VCP: variants seen among roughly 807,000 people sequenced by gnomAD.
The protein encoded by VCP is transitional endoplasmic reticulum ATPase.
A neutral mutation model predicts 85.7 loss-of-function variants in VCP; 6 were observed. The ratio of observed to expected loss-of-function variants is 0.07; its 90% CI spans 0.04 to 0.14. The LOEUF (loss-of-function observed/expected upper bound fraction) is 0.14. VCP is among the 10% of genes least tolerant of loss of function. The pLI is 1.00. For synonymous variants in VCP, 384 were observed against 367.1 expected (o/e 1.05, Z -0.53); for missense variants, 353 against 1,043.4 (o/e 0.34, Z 9.12).
chr9:35,059,294 C>A lies in VCP; in HGVS notation c.2005-75G>T, dbSNP rs1196307925. On this transcript the variant is annotated intron_variant, in intron 14 of 16. Transcript: ENST00000358901. This position sits in a 1 kb window ranked among gnomAD's most constrained non-coding sequence, Gnocchi z 4.9. ...TACGCAGATCTTTGGGCTACCCGAG[C>A]ACTCCCAACTACAGTTTGCCCCTTC... is the stretch of plus-strand genomic sequence containing the variant. 3.8e-6 allele frequency: 6 copies of A among 1,597,414 alleles called. No individual in the cohort carries two copies. The highest frequency in any genetic ancestry group is 4.3e-6 in the Non-Finnish European group (5 of 1,171,258).
chr9:35,065,236 A>T lies in VCP; in HGVS notation c.576+15T>A, dbSNP rs1563979566. 1.2e-6 allele frequency: 2 copies of T among 1,613,942 alleles called. No individual in the cohort carries two copies. The highest frequency in any genetic ancestry group is 2.7e-5 in the African/African-American group (2 of 74,928). On this transcript the variant is annotated intron_variant, in intron 5 of 16. Coordinates refer to ENST00000358901, the MANE Select transcript of VCP (RefSeq NM_007126.5). ...AATCATAAAATCGGATACTGGAATC[A>T]GGGAGAAAACTCACCTCTCGTTTGA...
At chr9:35,072,283 C>A (rs945795496) in intron 1 of VCP, 54 bp downstream of exon 1, 67 of 1,484,756 alleles carry the variant, frequency 4.5e-5, no homozygotes, top group Non-Finnish European at 5.6e-5. Flanking sequence ...CTACCCTGCG[C>A]GGCTGGTCCC....
chr9:35,068,582 A>G (rs1044169385), intron 1 of VCP, among the ~76,000 whole-genome samples: 1 of 152,204 alleles, frequency 6.6e-6, no homozygotes, highest in African/African-American at 2.4e-5. Context: ...TCAGTGTCCC[A>G]GCTATAAGGC....
intron 1 of VCP, 194 bp downstream of exon 1, chr9:35,072,143 G>A (rs1429316563): frequency 2.2e-6 from 3 of 1,394,288 alleles, no homozygotes; most frequent in Non-Finnish European, 2.8e-6. Flanking sequence ...CCGCCTAGGG[G>A]GCGCGCGGGT....
intron 1 of VCP, 53 bp downstream of exon 1, chr9:35,072,284 G>A: frequency 6.7e-7 from 1 of 1,485,392 alleles, no homozygotes; most frequent in Admixed American, 2.2e-5. Context: ...TACCCTGCGC[G>A]GCTGGTCCCG....
intron 1 of VCP, among the ~76,000 whole-genome samples, chr9:35,071,291 GTGTTTTTTT>G (rs1386707011): frequency 3.2e-5 from 3 of 95,002 alleles, no homozygotes; most frequent in Non-Finnish European, 5.9e-5. Context: ...TGGGCTGGCT[GTGTTTTTTT>G]TTTTTTTTTT....
chr9:35,065,652 T>C (rs1164088233), intron 4 of VCP, among the ~76,000 whole-genome samples: 1 of 152,080 alleles, frequency 6.6e-6, no homozygotes, highest in Non-Finnish European at 1.5e-5. Context: ...GCCATATAGG[T>C]AGCCCAAGTT....
rs1356464120 is a variant in VCP at position 35,059,849 on chromosome 9, C to T, written c.1696-48G>A. 1 of 1,612,748 alleles carries T rather than the reference C, an allele frequency of 6.2e-7. No homozygotes were observed. Among genetic ancestry groups the T allele is most frequent in the African/African-American group, 1.3e-5 (1 of 74,848 alleles). Reference sequence around the variant, plus strand: ...CAAGCACTAACAAAACTAGATGTCTCTAGGCAAACGTGGTGGCTCACACCT... The same window carrying T: ...CAAGCACTAACAAAACTAGATGTCTTTAGGCAAACGTGGTGGCTCACACCT... On this transcript the variant is annotated intron_variant, in intron 13 of 16. Coordinates refer to ENST00000358901, the MANE Select transcript of VCP (RefSeq NM_007126.5). This position sits in a 1 kb window ranked among gnomAD's most constrained non-coding sequence, Gnocchi z 4.9.
In VCP at chr9:35,065,275, G is replaced by A. The variant is rs769455914; in HGVS notation, c.552C>T (p.Cys184=). The change falls in exon 5 of 17, where the codon TGC becomes TGT. Residue 184 remains cysteine (C), a synonymous_variant. Coordinates refer to ENST00000358901, the MANE Select transcript of VCP (RefSeq NM_007126.5). ...CCTCTCGTTTGATAGGCTCCCCTTCGCAGTGGATCACTGTGTCTGGAGCAA... is the reference window on the plus strand; with the variant it reads ...CCTCTCGTTTGATAGGCTCCCCTTCACAGTGGATCACTGTGTCTGGAGCAA... ...CIVAPDTVIH[C]EGEPIKREDE... is the part of the protein sequence containing the mutation. 41 of 1,614,018 alleles carry A rather than the reference G, an allele frequency of 2.5e-5. No homozygotes were observed. Among genetic ancestry groups the A allele is most frequent in the Admixed American group, 1.5e-4 (9 of 59,994 alleles).
Position 35,072,536 on chromosome 9 carries a change from C to G in VCP, c.-183G>C. 1 of 721,446 alleles carries G rather than the reference C, an allele frequency of 1.4e-6. No individual in the cohort carries two copies. Among genetic ancestry groups the G allele is most frequent in the Non-Finnish European group, 2.0e-6 (1 of 490,750 alleles). 44.7% of individuals were successfully genotyped at this position (721,446 alleles called of 1,614,324 possible). A position where few individuals can be genotyped will look rare whatever the true frequency, so the allele number is the denominator to read the frequency against. On this transcript the variant is annotated 5_prime_UTR_variant, in exon 1 of 17. Transcript: ENST00000358901. The stretch of plus-strand genomic sequence containing the variant: ...GCAGCGAGGCGTCGGGCGAACAACG[C>G]TGGCTCCTGATCCGCGAGGTGGCAG...
At position 35,059,550 on chromosome 9, in the gene VCP, A is replaced by G; in HGVS notation, c.1947T>C (p.Asp649=). ...LDQLIYIPLP[D]EKSRVAILKA... ...TGAGGATGGCAACACGGGACTTCTC[A>G]TCAGGAAGTGGGATGTAGATGAGCT... Residue 649 remains aspartate (D), a synonymous_variant, in exon 14 of 17, where the codon GAT becomes GAC. Transcript: ENST00000358901. The surrounding 1 kb of genome is among the most constrained non-coding windows in gnomAD (Gnocchi z 4.9). The G allele has an allele frequency of 6.2e-7, 1 of 1,614,114 alleles. No homozygotes were observed. Among genetic ancestry groups the G allele is most frequent in the Non-Finnish European group, 8.5e-7 (1 of 1,179,980 alleles).
In VCP at chr9:35,064,026, C is replaced by T. The variant is rs527606055; in HGVS notation, c.708+128G>A. 48 of 1,466,658 alleles carry T rather than the reference C, an allele frequency of 3.3e-5. 1 individual carries two copies. The highest frequency in any genetic ancestry group is 2.5e-4 in the African/African-American group (18 of 72,252). 90.9% of individuals were successfully genotyped at this position (1,466,658 alleles called of 1,614,324 possible). A position where few individuals can be genotyped will look rare whatever the true frequency, so the allele number is the denominator to read the frequency against. On this transcript the variant is annotated intron_variant, in intron 6 of 16. Coordinates refer to ENST00000358901, the MANE Select transcript of VCP (RefSeq NM_007126.5). ...AGAGCCTTAGGTAAACTAAAGGATA[C>T]GTTATTGCCCCTCTAATCCAAGGCA...
At chr9:35,066,548 A>C in intron 4 of VCP, 127 bp downstream of exon 4, 1 of 1,378,446 alleles carries the variant, frequency 7.3e-7, no homozygotes, top group Non-Finnish European at 9.8e-7. Flanking sequence ...TTAAAAAATG[A>C]ATAAATAAAT....
At chr9:35,066,264 C>CTT (rs34301260) in intron 4 of VCP, among the ~76,000 whole-genome samples, 1 of 132,832 alleles carries the variant, frequency 7.5e-6, no homozygotes. Flanking sequence ...GACCCTGTCT[C>CTT]TTTTTTTTTT....
Position 35,066,822 on chromosome 9 carries a change from G to A in VCP, c.303-5C>T. 6.2e-7 allele frequency: 1 copy of A among 1,614,058 alleles called. No individual in the cohort carries two copies. The highest frequency in any genetic ancestry group is 8.5e-7 in the Non-Finnish European group (1 of 1,180,030). ...ACATCAGGGCATGGCTGGATGCTGA[G>A]GATGACAAGCAGACTCCATATTACC... On this transcript the variant is annotated splice_polypyrimidine_tract_variant and splice_region_variant and intron_variant, in intron 3 of 16. Transcript: ENST00000358901.
intron 4 of VCP, among the ~76,000 whole-genome samples, chr9:35,066,194 G>T (rs561800642): frequency 6.6e-6 from 1 of 152,110 alleles, no homozygotes; most frequent in South Asian, 2.1e-4. Flanking sequence ...ACTTTGGGAG[G>T]CCATGGCAGA....
At chr9:35,062,408 A>C (rs1828744360) in intron 7 of VCP, 58 bp from the exon 8 acceptor site, 3 of 1,612,558 alleles carry the variant, frequency 1.9e-6, no homozygotes, top group Admixed American at 3.3e-5. Flanking sequence ...AATTCCTCCC[A>C]AAAATCAGTT....
chr9:35,056,992 A>AC lies in VCP; in HGVS notation c.*124dup. 2.2e-6 allele frequency: 2 copies of AC among 918,998 alleles called. No homozygotes were observed. The highest frequency in any genetic ancestry group is 3.6e-6 in the Non-Finnish European group (2 of 562,712). 56.9% of individuals were successfully genotyped at this position (918,998 alleles called of 1,614,324 possible). Reference sequence around the variant, plus strand: ...CTGTCCAGAGTCAGACTGTAGCTGAACTGTTCAGACTGGAGAATGGAGCAG... The same window carrying AC: ...CTGTCCAGAGTCAGACTGTAGCTGAACCTGTTCAGACTGGAGAATGGAGCAG... On this transcript the variant is annotated 3_prime_UTR_variant, in exon 17 of 17. Coordinates refer to ENST00000358901, the MANE Select transcript of VCP (RefSeq NM_007126.5).
chr9:35,061,507 G>GTC, intron 10 of VCP, 70 bp downstream of exon 10: 1 of 1,406,402 alleles, frequency 7.1e-7, no homozygotes, highest in Non-Finnish European at 1.0e-6. Flanking sequence ...TTAACCTTAT[G>GTC]TCTCTAGCCA....
Sources: gnomAD v4.1 joint callset for allele counts (sites outside exome capture counted in the v4.1 genomes callset) on GRCh38, gnomAD v4.1.1 for gene constraint, Gnocchi (gnomAD v3.1) non-coding constraint, MANE v1.5 for transcripts, NCBI Gene and HGNC (gene_info 2026-07-23, HGNC 2026-07-21) for gene names.